The following TVP23A variants were observed in gnomAD, a reference collection of about 807,000 sequenced individuals.
TVP23A encodes the protein trans-golgi network vesicle protein 23 homolog A.
In TVP23A, 21 loss-of-function variants were observed where a neutral mutation model predicts 31.7. That is an observed-to-expected ratio of 0.66 (90% confidence interval 0.47 to 0.95). TVP23A has a LOEUF of 0.95. Among genes scored for constraint, TVP23A ranks in the 40% least tolerant of loss-of-function variants. The pLI, the probability that TVP23A is intolerant of heterozygous loss-of-function variation, is 0.00. For synonymous variants in TVP23A, 104 were observed against 96.0 expected (o/e 1.08, Z -0.49); for missense variants, 279 against 255.6 (o/e 1.09, Z -0.62).
At chr16:10,770,497 C>G (rs1227647547) in intron 6 of TVP23A, among the ~76,000 whole-genome samples, 166 bp from the exon 7 acceptor site, 3 of 151,978 alleles carry the variant, frequency 2.0e-5, no homozygotes, top group African/African-American at 4.8e-5. Context: ...CGGTTCTACC[C>G]ATTTCAGGAT....
intron 2 of TVP23A, among the ~76,000 whole-genome samples, chr16:10,805,382 A>G (rs1222752940): frequency 2.0e-5 from 3 of 152,018 alleles, no homozygotes; most frequent in Non-Finnish European, 4.4e-5. Flanking sequence ...AATGTAAAAT[A>G]TCTCCCTGGC....
At chr16:10,799,967 G>A (rs1367728943) in intron 2 of TVP23A, among the ~76,000 whole-genome samples, 2 of 151,220 alleles carry the variant, frequency 1.3e-5, no homozygotes, top group African/African-American at 4.9e-5. Flanking sequence ...AGAAGTTATG[G>A]AGCCTTTATT....
intron 2 of TVP23A, among the ~76,000 whole-genome samples, chr16:10,815,923 G>A (rs926157189): frequency 2.6e-5 from 4 of 151,350 alleles, no homozygotes; most frequent in African/African-American, 4.9e-5. Context: ...AATAGCCTCC[G>A]AAAATATCCA....
Position 10,771,766 on chromosome 16 carries a change from A to G in TVP23A, c.486T>C (p.Ala162=). ...ALVVAGISLQ[A]ANLYGYILCK... ...AAAGGATGTAGCCATACAGGTTTGC[A>G]GCTTGGAGAGAGATCCCAGCAACCA... The change falls in exon 6 of 8, where the codon GCT becomes GCC. Residue 162 remains alanine (A), a synonymous_variant. Transcript: ENST00000299866. The G allele has an allele frequency of 6.3e-7, 1 of 1,591,560 alleles. No homozygotes were observed. Among genetic ancestry groups the G allele is most frequent in the Non-Finnish European group, 8.6e-7 (1 of 1,168,640 alleles).
At chr16:10,765,327 T>TAAAAAAAA (rs533208449), downstream of TVP23A, among the ~76,000 whole-genome samples, 2 of 111,270 alleles carry the variant, frequency 1.8e-5, no homozygotes, top group Non-Finnish European at 3.5e-5. This position sits in a 1 kb window ranked among gnomAD's most constrained non-coding sequence, Gnocchi z 4.0. Flanking sequence ...CCTCATCTCT[T>TAAAAAAAA]AAAAAAAAAA....
At chr16:10,762,145 G>A (rs2030017436), downstream of TVP23A, 7 of 289,872 alleles carry the variant, frequency 2.4e-5, no homozygotes, top group Non-Finnish European at 3.3e-5. Flanking sequence ...GACTGAGGAG[G>A]GCACCCGATA....
At chr16:10,782,077 G>T (rs1311540424) in intron 2 of TVP23A, among the ~76,000 whole-genome samples, 2 of 151,836 alleles carry the variant, frequency 1.3e-5, no homozygotes, top group Non-Finnish European at 2.9e-5. Flanking sequence ...GGCCGGGCTG[G>T]TCTCGAACTC....
rs780277215 is a variant in TVP23A, at chr16:10,774,040, T to C, written c.323A>G (p.Lys108Arg). The C allele has an allele frequency of 1.9e-6, 3 of 1,609,798 alleles. No individual in the cohort carries two copies. The highest frequency in any genetic ancestry group is 2.2e-5 in the East Asian group (1 of 44,842). The change falls in exon 4 of 8, where the codon AAG (lysine) becomes AGG (arginine). Residue 108 changes from lysine (K) to arginine (R), a missense_variant and splice_region_variant. Coordinates refer to ENST00000299866, the MANE Select transcript of TVP23A (RefSeq NM_001079512.4). ...GKSHWIFEAR[K>R]VSPNSIAATE... ...AGTTCAGCTCGTCATGGAGAATACC[T>C]TCCTGGCTTCAAAGATCCAGTGGCT...
chr16:10,771,841 C>G (rs1567276439), intron 5 of TVP23A, 43 bp from the exon 6 acceptor site: 1 of 1,545,456 alleles, frequency 6.5e-7, no homozygotes, highest in Admixed American at 2.0e-5. Flanking sequence ...TTTTTTGAGA[C>G]AGAGTTTCGC....
Position 10,818,325 on chromosome 16 carries a change from T to G in TVP23A, c.10-143A>C, listed in dbSNP as rs2034533670. ...CTCCGAGCTGGCGGGGCCCCTCCGC[T>G]GCGGCTGCAGTGCAAAGCCCTCTCC... On this transcript the variant is annotated intron_variant, in intron 1 of 7. Transcript: ENST00000299866. This position sits in a 1 kb window ranked among gnomAD's most constrained non-coding sequence, Gnocchi z 4.7. The G allele has an allele frequency of 9.7e-6, 13 of 1,333,804 alleles. No homozygotes were observed. Among genetic ancestry groups the G allele is most frequent in the Non-Finnish European group, 1.0e-6 (1 of 975,010 alleles). 82.6% of individuals were successfully genotyped at this position (1,333,804 alleles called of 1,614,324 possible).
At chr16:10,780,407 G>T (rs1468952571) in intron 2 of TVP23A, among the ~76,000 whole-genome samples, 1 of 152,090 alleles carries the variant, frequency 6.6e-6, no homozygotes, top group Non-Finnish European at 1.5e-5. Context: ...TCAAGGACCA[G>T]GAAAGACCTG....
chr16:10,808,388 C>T (rs980480511), intron 2 of TVP23A: 9 of 355,978 alleles, frequency 2.5e-5, no homozygotes, highest in Admixed American at 1.5e-4. Flanking sequence ...TTTTACTTCA[C>T]GTGTTTGCCT....
rs2031310902 is a variant in TVP23A, at chr16:10,769,038, GT to G, written c.*63del. The G allele has an allele frequency of 6.2e-7, 1 of 1,613,882 alleles. No homozygotes were observed. Among genetic ancestry groups the G allele is most frequent in the Admixed American group, 1.7e-5 (1 of 59,980 alleles). On this transcript the variant is annotated 3_prime_UTR_variant, in exon 8 of 8. Transcript: ENST00000299866. ...ATTAGCACTCTATGCCTGTCGTCTT[GT>G]TTTCCAGGAATCCAAGAGTTTTGTA...
Position 10,807,899 on chromosome 16 carries a change from G to A in TVP23A, c.89+10204C>T, listed in dbSNP as rs1445498116. ...ATCTCCTCTGTTTTTTCTTTTTAGA[G>A]GTGGGTTCTTGCTATGTTGTCCAGG... On this transcript the variant is annotated intron_variant, in intron 2 of 7. Transcript: ENST00000299866. 2.6e-5 allele frequency among the ~76,000 whole-genome samples: 4 copies of A among 152,148 alleles called. No individual in the cohort carries two copies. The East Asian group carries it at 7.7e-4, about 29-fold the overall frequency.
exon 9 of TVP23A, chr16:10,761,396 C>A (rs2029881574): frequency 6.2e-7 from 1 of 1,614,102 alleles, no homozygotes; most frequent in South Asian, 1.1e-5. Context: ...GGAAAGAAAT[C>A]AACTTCTGCC....
rs1341345180 is a variant in TVP23A at position 10,767,328 on chromosome 16, C to T, written c.*1774G>A. The T allele has an allele frequency of 2.8e-5, 11 of 399,474 alleles. No homozygotes were observed. The highest frequency in any genetic ancestry group is 4.0e-5 in the Non-Finnish European group (9 of 226,850). The allele number at this position is 399,474 out of a possible 1,614,324, so 24.7% of individuals were successfully genotyped here. ...GGGTGTGCATAGGAGGGGACTGGAA[C>T]AATGGCCACATGGCGGGGAAAGACT... On this transcript the variant is annotated 3_prime_UTR_variant, in exon 8 of 8. Transcript: ENST00000299866. This position sits in a 1 kb window ranked among gnomAD's most constrained non-coding sequence, Gnocchi z 4.6.
chr16:10,791,991 A>T (rs1355960547), intron 2 of TVP23A, among the ~76,000 whole-genome samples: 2 of 152,200 alleles, frequency 1.3e-5, no homozygotes, highest in African/African-American at 4.8e-5. Context: ...TAATAAGATT[A>T]GGGTGGGGTG....
intron 5 of TVP23A, 100 bp downstream of exon 5, chr16:10,773,213 G>A: frequency 1.4e-6 from 2 of 1,391,496 alleles, no homozygotes; most frequent in Non-Finnish European, 1.9e-6. Context: ...TGTTATAATT[G>A]ATCAATCAAT....
At chr16:10,800,047 A>G (rs1382485898) in intron 2 of TVP23A, among the ~76,000 whole-genome samples, 1 of 149,526 alleles carries the variant, frequency 6.7e-6, no homozygotes, top group Non-Finnish European at 1.5e-5. Flanking sequence ...TGGCAGTAAA[A>G]AGTAGTATTC....
Sources: gnomAD v4.1 joint callset for allele counts (sites outside exome capture counted in the v4.1 genomes callset) on GRCh38, gnomAD v4.1.1 for gene constraint, Gnocchi (gnomAD v3.1) non-coding constraint, MANE v1.5 for transcripts, NCBI Gene and HGNC (gene_info 2026-07-23, HGNC 2026-07-21) for gene names.